RANBP10: variants seen among roughly 807,000 people sequenced by gnomAD.
The protein encoded by RANBP10 is ran-binding protein 10.
RANBP10 carries 24 observed loss-of-function variants against 72.8 expected under a neutral mutation model. That is an observed-to-expected ratio of 0.33 (90% CI 0.24 to 0.46). RANBP10 has a LOEUF of 0.46. Among genes scored for constraint, RANBP10 ranks in the 20% least tolerant of loss-of-function variants. The pLI, the probability that RANBP10 is intolerant of heterozygous loss-of-function variation, is 1.00. For missense variants in RANBP10, 679 were observed against 817.5 expected (o/e 0.83, Z 2.07); for synonymous variants, 310 against 322.3 (o/e 0.96, Z 0.41).
At chr16:67,749,413 G>A (rs762875508) in intron 3 of RANBP10, among the ~76,000 whole-genome samples, 1 of 152,174 alleles carries the variant, frequency 6.6e-6, no homozygotes, top group African/African-American at 2.4e-5. Flanking sequence ...GGTGCCTCCT[G>A]CATCTCCCCA....
intron 2 of RANBP10, among the ~76,000 whole-genome samples, chr16:67,794,361 CAG>C (rs907468748): frequency 6.6e-6 from 1 of 151,502 alleles, no homozygotes; most frequent in African/African-American, 2.4e-5. Context: ...TGCTTGAACT[CAG>C]GGGGCGGAGG....
chr16:67,735,167 G>T, intron 5 of RANBP10, 125 bp from the exon 6 acceptor site: 1 of 897,302 alleles, frequency 1.1e-6, no homozygotes. Context: ...GCTGGAGGAG[G>T]CAGGGCGGAG....
chr16:67,746,486 T>C (rs1339623453), intron 3 of RANBP10, among the ~76,000 whole-genome samples: 8 of 151,302 alleles, frequency 5.3e-5, no homozygotes, highest in Admixed American at 4.0e-4. Flanking sequence ...GTCTCAAAAA[T>C]AATAATAATA....
At chr16:67,750,612 ATG>A (rs2054175284) in intron 3 of RANBP10, among the ~76,000 whole-genome samples, 1 of 152,120 alleles carries the variant, frequency 6.6e-6, no homozygotes, top group South Asian at 2.1e-4. Flanking sequence ...ACAAGCACAT[ATG>A]TGTGTTTATG....
chr16:67,793,375 G>A (rs984361741), intron 2 of RANBP10, among the ~76,000 whole-genome samples: 4 of 146,488 alleles, frequency 2.7e-5, no homozygotes, highest in African/African-American at 7.7e-5. Context: ...ACAATGGCAC[G>A]ACCACGGCTC....
intron 2 of RANBP10, among the ~76,000 whole-genome samples, chr16:67,789,663 G>A (rs967085515): frequency 5.3e-5 from 8 of 151,634 alleles, no homozygotes; most frequent in African/African-American, 1.9e-4. Context: ...TAGAGACGGG[G>A]TTTCACCATG....
intron 6 of RANBP10, among the ~76,000 whole-genome samples, chr16:67,732,688 C>T (rs1296163640): frequency 6.6e-6 from 1 of 152,026 alleles, no homozygotes; most frequent in Non-Finnish European, 1.5e-5. Context: ...GAGGACAAGG[C>T]GGGAGGATCA....
chr16:67,779,963 G>A (rs1042310127), intron 2 of RANBP10, among the ~76,000 whole-genome samples: 1 of 152,210 alleles, frequency 6.6e-6, no homozygotes, highest in Non-Finnish European at 1.5e-5. Context: ...GCCAGGCACG[G>A]TGGCTCACGC....
intron 2 of RANBP10, among the ~76,000 whole-genome samples, chr16:67,783,960 T>A (rs1186586235): frequency 6.6e-6 from 1 of 151,178 alleles, no homozygotes. Context: ...AGAGAAGTGT[T>A]TGAACCTGGA....
intron 2 of RANBP10, among the ~76,000 whole-genome samples, chr16:67,789,551 C>T (rs537339519): frequency 2.0e-5 from 3 of 151,500 alleles, no homozygotes; most frequent in South Asian, 4.2e-4. Flanking sequence ...CTTGCTGCAA[C>T]CTCCACCTCC....
chr16:67,737,657 T>C (rs892176518), intron 5 of RANBP10, among the ~76,000 whole-genome samples: 2 of 151,876 alleles, frequency 1.3e-5, no homozygotes, highest in Admixed American at 6.6e-5. Context: ...TCCCTCACAG[T>C]TCAGGAACAA....
chr16:67,799,285 CTTT>C (rs869030467), intron 2 of RANBP10, among the ~76,000 whole-genome samples: 1 of 113,960 alleles, frequency 8.8e-6, no homozygotes, highest in Admixed American at 9.2e-5. Context: ...CTCCACATCT[CTTT>C]TTTTTTTTTT....
At chr16:67,782,757 A>G (rs1365326730) in intron 2 of RANBP10, among the ~76,000 whole-genome samples, 3 of 4,760 alleles carry the variant, frequency 6.3e-4, no homozygotes, top group Admixed American at 3.4e-3. Flanking sequence ...TGGGCCAAAA[A>G]TCACTTTTAA....
Position 67,734,494 on chromosome 16 carries a change from A to G in RANBP10, c.776+364T>C, listed in dbSNP as rs1371136927. ...GGCCTCAGGCCAGAGTCACAGCACC[A>G]TGGATACTCCCTATGGTAGAAAAAG... On this transcript the variant is annotated intron_variant, in intron 6 of 13. Transcript: ENST00000317506. 2.0e-5 allele frequency among the ~76,000 whole-genome samples: 3 copies of G among 152,344 alleles called. No individual in the cohort carries two copies. The East Asian group carries it at 5.8e-4, about 29-fold the overall frequency.
chr16:67,729,393 C>T lies in RANBP10; in HGVS notation c.1239G>A (p.Ser413=), dbSNP rs138394220. 10 of 1,611,968 alleles carry T rather than the reference C, an allele frequency of 6.2e-6. No homozygotes were observed. The highest frequency in any genetic ancestry group is 2.7e-5 in the African/African-American group (2 of 74,314). ...AAGAGGACGAGGAGGAGGAGGAGGA[C>T]GAGGATGAGGAGCTGGGTGCAGGGT... The part of the protein sequence containing the change: ...SKYPAPSSSS[S]SSSSSSSSSP... Residue 413 remains serine, a synonymous_variant, in exon 10 of 14, where the codon TCG becomes TCA. Transcript: ENST00000317506. This position sits in a 1 kb window ranked among gnomAD's most constrained non-coding sequence, Gnocchi z 7.1.
intron 4 of RANBP10, among the ~76,000 whole-genome samples, chr16:67,740,903 C>G (rs1052011025): frequency 2.6e-5 from 4 of 152,120 alleles, no homozygotes; most frequent in Admixed American, 6.6e-5. Flanking sequence ...CTCTCTGTAC[C>G]CAGGAGAAGA....
At chr16:67,776,144 CA>C (rs879263676) in intron 2 of RANBP10, among the ~76,000 whole-genome samples, 76 of 134,344 alleles carry the variant, frequency 5.7e-4, no homozygotes, top group Non-Finnish European at 5.3e-4. Flanking sequence ...GACTCCATCT[CA>C]AAAAAAAAAA....
At chr16:67,727,988 C>T (rs963048472) in intron 11 of RANBP10, 92 bp from the exon 12 acceptor site, 33 of 1,399,996 alleles carry the variant, frequency 2.4e-5, no homozygotes, top group African/African-American at 4.3e-5. Flanking sequence ...GGGTGGGCTG[C>T]AGCTTCTGCC....
intron 3 of RANBP10, among the ~76,000 whole-genome samples, chr16:67,765,508 C>T (rs1430129489): frequency 3.3e-5 from 5 of 151,704 alleles, no homozygotes; most frequent in Non-Finnish European, 2.9e-5. Flanking sequence ...GCTTGGGCAA[C>T]AAGAGCAAAA....
Sources: gnomAD v4.1 joint callset for allele counts (sites outside exome capture counted in the v4.1 genomes callset) on GRCh38, gnomAD v4.1.1 for gene constraint, Gnocchi (gnomAD v3.1) non-coding constraint, MANE v1.5 for transcripts, NCBI Gene and HGNC (gene_info 2026-07-23, HGNC 2026-07-21) for gene names.